The following JPH1 variants were observed in gnomAD, a reference collection of about 807,000 sequenced individuals.
JPH1 encodes the protein junctophilin-1.
JPH1 carries 12 observed loss-of-function variants against 53.6 expected under a neutral mutation model. The observed-to-expected ratio is 0.22, with a 90% confidence interval of 0.14 to 0.36. JPH1 has a LOEUF of 0.36. Ranked by LOEUF, JPH1 falls within the 10% of genes least tolerant of loss-of-function variation. The pLI is 1.00. For synonymous variants in JPH1, 375 were observed against 363.8 expected (o/e 1.03, Z -0.35); for missense variants, 808 against 905.5 (o/e 0.89, Z 1.38).
chr8:74,294,444 C>G (rs141430023), intron 2 of JPH1, among the ~76,000 whole-genome samples: 3 of 152,292 alleles, frequency 2.0e-5, no homozygotes, highest in East Asian at 3.9e-4. Flanking sequence ...ATGTCCCTGT[C>G]CTGATTCACG....
At chr8:74,274,102 T>C (rs950429704) in intron 2 of JPH1, among the ~76,000 whole-genome samples, 1 of 152,210 alleles carries the variant, frequency 6.6e-6, no homozygotes, top group Non-Finnish European at 1.5e-5. Context: ...TTTCCCTTTT[T>C]GACATAATCC....
At chr8:74,248,944 T>G (rs538972062) in intron 3 of JPH1, among the ~76,000 whole-genome samples, 1 of 152,350 alleles carries the variant, frequency 6.6e-6, no homozygotes, top group South Asian at 2.1e-4. Context: ...TCTGTTTTTA[T>G]AGACAGTATC....
At chr8:74,295,447 G>A (rs1011765206) in intron 2 of JPH1, among the ~76,000 whole-genome samples, 1 of 152,164 alleles carries the variant, frequency 6.6e-6, no homozygotes, top group Non-Finnish European at 1.5e-5. Context: ...TACTTGGCAT[G>A]AAAATATTTA....
chr8:74,280,370 C>T (rs1806976684), intron 2 of JPH1, among the ~76,000 whole-genome samples: 1 of 152,198 alleles, frequency 6.6e-6, no homozygotes, highest in South Asian at 2.1e-4. Context: ...TTGCCATCCT[C>T]ATGGGTAAGA....
In JPH1 at chr8:74,315,302, G is replaced by C. The variant is rs142292285; in HGVS notation, c.698C>G (p.Ser233Trp). 196 of 1,613,840 alleles carry C rather than the reference G, an allele frequency of 1.2e-4. No homozygotes were observed. Among genetic ancestry groups the C allele is most frequent in the Non-Finnish European group, 1.6e-4 (183 of 1,180,042 alleles). ...GCTGCGGACAGAGCTGCGCTTGCTC[G>C]AGATGGAAGACTTGGATTCGGACTT... Reference protein sequence around the residue: ...LRKSESKSSISSKRSSVRSDA... With the variant: ...LRKSESKSSIWSKRSSVRSDA... The change falls in exon 2 of 6, where the codon TCG becomes TGG. Residue 233 changes from serine (S) to tryptophan (W), a missense_variant. Ser to Trp is a radical substitution (Grantham distance 177). Coordinates refer to ENST00000342232, the MANE Select transcript of JPH1 (RefSeq NM_020647.4). The surrounding 1 kb of genome is among the most constrained non-coding windows in gnomAD (Gnocchi z 6.3).
intron 2 of JPH1, among the ~76,000 whole-genome samples, chr8:74,281,145 A>G (rs977446079): frequency 1.3e-5 from 2 of 152,236 alleles, no homozygotes; most frequent in African/African-American, 4.8e-5. Context: ...CTTGTGTTTA[A>G]GTCTTAAACA....
chr8:74,242,530 T>C (rs1456804393), intron 4 of JPH1, among the ~76,000 whole-genome samples: 2 of 152,240 alleles, frequency 1.3e-5, no homozygotes, highest in Non-Finnish European at 2.9e-5. Context: ...ATGTCTAACT[T>C]ATACAGTGTC....
intron 4 of JPH1, among the ~76,000 whole-genome samples, chr8:74,239,774 T>G (rs1805641206): frequency 6.6e-6 from 1 of 152,178 alleles, no homozygotes; most frequent in African/African-American, 2.4e-5. Context: ...AATGAGAATT[T>G]CCTTTGAGCA....
chr8:74,278,667 T>C (rs1344559727), intron 2 of JPH1, among the ~76,000 whole-genome samples: 3 of 152,180 alleles, frequency 2.0e-5, no homozygotes, highest in African/African-American at 4.8e-5. Flanking sequence ...AATGCACTTA[T>C]GTACCTTTGT....
Position 74,244,864 on chromosome 8 carries a change from C to T in JPH1, c.1570G>A (p.Gly524Arg). ...TACTTGGACTGGGGCACAACCGCTCCTGCCTCCTTCGTGGGAGCCTTTGAC... is the reference window on the plus strand; with the variant it reads ...TACTTGGACTGGGGCACAACCGCTCTTGCCTCCTTCGTGGGAGCCTTTGAC... The part of the protein sequence containing the change: ...LMSKAPTKEA[G>R]AVVPQSKYSG... Residue 524 changes from glycine (G) to arginine (R), a missense_variant, in exon 4 of 6, where the codon GGA becomes AGA. Gly to Arg is a moderately radical substitution (Grantham distance 125). Transcript: ENST00000342232. 3 of 1,614,230 alleles carry T rather than the reference C, an allele frequency of 1.9e-6. No individual in the cohort carries two copies. Among genetic ancestry groups the T allele is most frequent in the Non-Finnish European group, 2.5e-6 (3 of 1,180,040 alleles).
At chr8:74,271,599 T>A (rs1241250558) in intron 2 of JPH1, among the ~76,000 whole-genome samples, 1 of 152,230 alleles carries the variant, frequency 6.6e-6, no homozygotes, top group African/African-American at 2.4e-5. Flanking sequence ...CAGAGAACCC[T>A]GTAGCCATGA....
At chr8:74,244,290 C>T (rs975605028) in intron 4 of JPH1, among the ~76,000 whole-genome samples, 5 of 152,226 alleles carry the variant, frequency 3.3e-5, no homozygotes, top group African/African-American at 1.2e-4. Flanking sequence ...TCAGGTCTTA[C>T]CTACCTGAAT....
chr8:74,268,294 G>A (rs1337324381), intron 2 of JPH1, among the ~76,000 whole-genome samples: 1 of 152,166 alleles, frequency 6.6e-6, no homozygotes, highest in African/African-American at 2.4e-5. Flanking sequence ...ACGAATGGAA[G>A]AAAGGCACAT....
intron 3 of JPH1, among the ~76,000 whole-genome samples, chr8:74,257,363 A>G (rs1389714165): frequency 6.6e-6 from 1 of 152,198 alleles, no homozygotes; most frequent in Non-Finnish European, 1.5e-5. Context: ...CAGTCTGGGA[A>G]ACCAAGATGA....
In JPH1 at chr8:74,315,128, T is replaced by A. The variant is rs1028783528; in HGVS notation, c.872A>T (p.Asn291Ile). 5 of 1,614,116 alleles carry A rather than the reference T, an allele frequency of 3.1e-6. No homozygotes were observed. The Admixed American group carries it at 6.7e-5, about 22-fold the overall frequency. The change falls in exon 2 of 6, where the codon AAC becomes ATC. Residue 291 changes from asparagine to isoleucine, a missense_variant. By Grantham distance (149) the Asn-to-Ile change is moderately radical. Around this residue, in one of 2 missense-constraint regions of JPH1, gnomAD observed 756 missense variants for 811.9 expected, o/e 0.93. Coordinates refer to ENST00000342232, the MANE Select transcript of JPH1 (RefSeq NM_020647.4). The surrounding 1 kb of genome is among the most constrained non-coding windows in gnomAD (Gnocchi z 6.3). ...GGAGCGCTCGCTAACGCCGAAGCCGTTGCGCTTGTCGTTCTTCCACTCGCC... is the reference window on the plus strand; with the variant it reads ...GGAGCGCTCGCTAACGCCGAAGCCGATGCGCTTGTCGTTCTTCCACTCGCC... ...YMGEWKNDKR[N>I]GFGVSERSNG...
At chr8:74,291,119 A>C (rs1347851573) in intron 2 of JPH1, among the ~76,000 whole-genome samples, 1 of 152,228 alleles carries the variant, frequency 6.6e-6, no homozygotes, top group Admixed American at 6.5e-5. Flanking sequence ...ACAAAAGCCA[A>C]AATTGACAAA....
intron 2 of JPH1, 137 bp downstream of exon 2, chr8:74,314,724 T>A: frequency 1.0e-6 from 1 of 999,864 alleles, no homozygotes; most frequent in East Asian, 2.4e-5. Context: ...CTACTGAGTG[T>A]AATCATTTTT....
Position 74,315,129 on chromosome 8 carries a change from T to C in JPH1, c.871A>G (p.Asn291Asp), listed in dbSNP as rs1272388589. Residue 291 changes from asparagine (N) to aspartate (D), a missense_variant, in exon 2 of 6, where the codon AAC (asparagine) becomes GAC (aspartate). Around this residue, in one of 2 missense-constraint regions of JPH1, gnomAD observed 756 missense variants for 811.9 expected, o/e 0.93. Transcript: ENST00000342232. The surrounding 1 kb of genome is among the most constrained non-coding windows in gnomAD (Gnocchi z 6.3). Reference protein sequence around the residue: ...YMGEWKNDKRNGFGVSERSNG... With the variant: ...YMGEWKNDKRDGFGVSERSNG... ...GAGCGCTCGCTAACGCCGAAGCCGTTGCGCTTGTCGTTCTTCCACTCGCCC... is the reference window on the plus strand; with the variant it reads ...GAGCGCTCGCTAACGCCGAAGCCGTCGCGCTTGTCGTTCTTCCACTCGCCC... The C allele has an allele frequency of 1.9e-6, 3 of 1,614,118 alleles. No individual in the cohort carries two copies. Among genetic ancestry groups the C allele is most frequent in the Admixed American group, 3.3e-5 (2 of 60,008 alleles).
intron 3 of JPH1, among the ~76,000 whole-genome samples, chr8:74,258,949 C>A (rs1806313038): frequency 1.3e-5 from 2 of 152,078 alleles, no homozygotes; most frequent in Non-Finnish European, 2.9e-5. Context: ...CTCCAGAATC[C>A]AAAACATTGT....
Sources: allele counts gnomAD v4.1 joint callset (sites outside exome capture counted in the v4.1 genomes callset), GRCh38; gene constraint gnomAD v4.1.1; regional missense constraint gnomAD v4.1.1; non-coding constraint Gnocchi (gnomAD v3.1); transcripts MANE v1.5; gene names NCBI Gene and HGNC (gene_info 2026-07-23, HGNC 2026-07-21).